Variants in TRPT1 observed in about 807,000 individuals in gnomAD.
The protein encoded by TRPT1 is tRNA 2'-phosphotransferase 1.
In TRPT1, 22 loss-of-function variants were observed where a neutral mutation model predicts 28.4. The observed-to-expected ratio is 0.78, with a 90% CI of 0.55 to 1.11. TRPT1 has a LOEUF of 1.11. Among genes scored for constraint, TRPT1 ranks in the 50% least tolerant of loss-of-function variants. TRPT1 has a pLI of 0.00. For missense variants in TRPT1, 308 were observed against 317.7 expected, an observed-to-expected ratio of 0.97 and a Z score of 0.23; for synonymous variants, 137 against 132.4, an observed-to-expected ratio of 1.03 and a Z score of -0.24.
At position 64,225,789 on chromosome 11, in the gene TRPT1, T is replaced by C; in HGVS notation, c.72A>G (p.Glu24=). The change falls in exon 2 of 8, where the codon GAA becomes GAG. Residue 24 remains glutamate, a synonymous_variant. Coordinates refer to ENST00000317459, the MANE Select transcript of TRPT1 (RefSeq NM_001033678.4). ...GGGGTGGGGAGGAGGCGCGCACCTG[T>C]TCTCGGGGTCTGGGAGCCCTTCTAC... is the stretch of plus-strand genomic sequence containing the variant. ...SRGRRAPRPR[E]QDRDVQLSKA... is the part of the protein sequence containing the mutation. The C allele has an allele frequency of 6.4e-7, 1 of 1,551,108 alleles. No individual in the cohort carries two copies. The highest frequency in any genetic ancestry group is 8.7e-7 in the Non-Finnish European group (1 of 1,147,034).
In TRPT1 at chr11:64,224,584, T is replaced by A. The variant is rs779715487; in HGVS notation, c.461A>T (p.His154Leu). ...GLSCQGRTHIHLAPGLPGDPG... is the reference protein window; with the variant it reads ...GLSCQGRTHILLAPGLPGDPG... ...GTCTCCAGGCAGTCCTGGGGCCAGG[T>A]GAATGTGCGTCCTTCCCTGGCAGGA... The change falls in exon 5 of 8, where the codon CAC becomes CTC. Residue 154 changes from histidine (H) to leucine (L), a missense_variant. By Grantham distance (99) the His-to-Leu change is moderately conservative. Transcript: ENST00000317459. 6.3e-7 allele frequency: 1 copy of A among 1,588,524 alleles called. No individual in the cohort carries two copies. Among genetic ancestry groups the A allele is most frequent in the Non-Finnish European group, 8.6e-7 (1 of 1,166,388 alleles).
At position 64,224,851 on chromosome 11, in the gene TRPT1, C is replaced by T. The variant is rs760148425; in HGVS notation, c.277G>A (p.Asp93Asn). Residue 93 changes from aspartate (D) to asparagine (N), a missense_variant, in exon 4 of 8, where the codon GAT becomes AAT. Transcript: ENST00000317459. ...CGGATGAGAAGGCCAGTGCTGGGAT[C>T]CCCCAGCTGCAGGGCGAACCGCTGC... ...RKQRFALQLG[D>N]PSTGLLIRAN... 1 of 1,613,432 alleles carries T rather than the reference C, an allele frequency of 6.2e-7. No homozygotes were observed. Among genetic ancestry groups the T allele is most frequent in the South Asian group, 1.1e-5 (1 of 91,048 alleles).
At position 64,224,700 on chromosome 11, in the gene TRPT1, C is replaced by T. The variant is rs779326473; in HGVS notation, c.345G>A (p.Leu115=). The change falls in exon 5 of 8, where the codon CTG becomes CTA. Residue 115 remains leucine (L), a synonymous_variant. Transcript: ENST00000317459. ...GHSLQVPKLE[L]MPLETPQALP... ...GGGCCTGCGGTGTCTCCAGGGGCAT[C>T]AGCTCCAACTTAGGTACCTGGTTGA... is the stretch of plus-strand genomic sequence containing the variant. 3 of 1,597,140 alleles carry T rather than the reference C, an allele frequency of 1.9e-6. No homozygotes were observed. The highest frequency in any genetic ancestry group is 2.6e-6 in the Non-Finnish European group (3 of 1,170,238).
At chr11:64,226,256 C>A, upstream of TRPT1, 1 of 521,026 alleles carries the variant, frequency 1.9e-6, no homozygotes, top group Non-Finnish European at 2.8e-6. Context: ...GCGGGCACTT[C>A]CGCTTCGGGG....
intron 3 of TRPT1, 101 bp downstream of exon 3, chr11:64,225,398 C>T: frequency 1.0e-6 from 1 of 963,938 alleles, no homozygotes. Flanking sequence ...GCACTCTGTG[C>T]CTTCCTCAGG....
chr11:64,225,454 G>T, intron 3 of TRPT1, 45 bp downstream of exon 3: 1 of 1,549,252 alleles, frequency 6.5e-7, no homozygotes, highest in South Asian at 1.1e-5. Flanking sequence ...ACAGGCTCAC[G>T]TTTCTCTCTG....
At position 64,225,888 on chromosome 11, in the gene TRPT1, A is replaced by AG. The variant is rs1192902645; in HGVS notation, c.-9-20dup. 9.7e-6 allele frequency: 14 copies of AG among 1,447,526 alleles called. No homozygotes were observed. Among genetic ancestry groups the AG allele is most frequent in the African/African-American group, 2.8e-5 (2 of 71,106 alleles). The allele number at this position is 1,447,526 out of a possible 1,614,324, so 89.7% of individuals were successfully genotyped here. A position where few individuals can be genotyped will look rare whatever the true frequency, so the allele number is the denominator to read the frequency against. ...TTAAGACCTGTGGGGGGCAGTGACG[A>AG]GGGGGGACTGCTTTAAGGCCCCTTC... On this transcript the variant is annotated intron_variant, in intron 1 of 7. Transcript: ENST00000317459.
chr11:64,224,394 C>T (rs376217986), intron 5 of TRPT1, 53 bp from the exon 6 acceptor site: 3 of 1,609,678 alleles, frequency 1.9e-6, no homozygotes, highest in Non-Finnish European at 2.5e-6. Flanking sequence ...AGTCAGCAAC[C>T]TAGGCAGACT....
rs375854892 is a variant in TRPT1 at position 64,226,160 on chromosome 11, G to A, written c.-120C>T. On this transcript the variant is annotated 5_prime_UTR_variant, in exon 1 of 8. Coordinates refer to ENST00000317459, the MANE Select transcript of TRPT1 (RefSeq NM_001033678.4). ...GGCAGGGCCGACGTGCCGACGGACC[G>A]GGCGGAAGCGTCGGGGCGGCGGGGA... The A allele has an allele frequency of 4.7e-6, 2 of 429,892 alleles. No individual in the cohort carries two copies. The highest frequency in any genetic ancestry group is 8.1e-5 in the East Asian group (2 of 24,754). The allele number at this position is 429,892 out of a possible 1,614,324, so 26.6% of individuals were successfully genotyped here. A position where few individuals can be genotyped will look rare whatever the true frequency, so the allele number is the denominator to read the frequency against.
rs1426950033 is a variant in TRPT1 at position 64,224,146 on chromosome 11, G to A, written c.624C>T (p.Phe208=). The A allele has an allele frequency of 2.5e-6, 4 of 1,607,174 alleles. No individual in the cohort carries two copies. In the African/African-American group the frequency reaches 4.0e-5, roughly 16 times the overall value. ...VILTPGNTDG[F]LLPKYFKEAL... ...CCTCCTTGAAGTACTTGGGAAGGAG[G>A]AAGCCATCAGTATTCCCTGGAGTCA... Residue 208 remains phenylalanine, a synonymous_variant, in exon 7 of 8, where the codon TTC becomes TTT. Transcript: ENST00000317459.
chr11:64,224,336 G>A lies in TRPT1; in HGVS notation c.508C>T (p.Arg170Trp), dbSNP rs116905598. The A allele has an allele frequency of 1.7e-3, 2,759 of 1,613,662 alleles. 8 individuals carry two copies. Among genetic ancestry groups the A allele is most frequent in the Non-Finnish European group, 2.3e-3 (2,679 of 1,180,022 alleles). ...AACACAGCTATTTCACAATGGGACC[G>A]CATGCCTGCAGAGACAGCTGGAGCT... ...PGDPGIISGM[R>W]SHCEIAVFID... Residue 170 changes from arginine (R) to tryptophan (W), a missense_variant, in exon 6 of 8, where the codon CGG (arginine) becomes TGG (tryptophan). Transcript: ENST00000317459.
chr11:64,225,435 G>T, intron 3 of TRPT1, 64 bp downstream of exon 3: 1 of 1,388,726 alleles, frequency 7.2e-7, no homozygotes, highest in Non-Finnish European at 1.0e-6. Context: ...CATCAGGGAG[G>T]AGTCGCAGAC....
chr11:64,223,948 A>G lies in TRPT1; in HGVS notation c.690T>C (p.Ala230=), dbSNP rs1210265137. 11 of 1,613,820 alleles carry G rather than the reference A, an allele frequency of 6.8e-6. No individual in the cohort carries two copies. The East Asian group carries it at 2.2e-4, about 33-fold the overall frequency. The part of the protein sequence containing the change: ...LRPTRKPLSL[A]GDEETECQSS... Reference sequence around the variant, plus strand: ...TCTGACACTCTGTCTCTTCATCACCAGCCAAGGAAAGGGGCTTTCCTGATA... The same window carrying G: ...TCTGACACTCTGTCTCTTCATCACCGGCCAAGGAAAGGGGCTTTCCTGATA... Residue 230 remains alanine (A), a synonymous_variant, in exon 8 of 8, where the codon GCT becomes GCC. Coordinates refer to ENST00000317459, the MANE Select transcript of TRPT1 (RefSeq NM_001033678.4).
rs1946861872 is a variant in TRPT1 at position 64,224,706 on chromosome 11, C to T, written c.339G>A (p.Leu113=). Residue 113 remains leucine (L), a synonymous_variant, in exon 5 of 8, where the codon TTG becomes TTA. Coordinates refer to ENST00000317459, the MANE Select transcript of TRPT1 (RefSeq NM_001033678.4). ...NQGHSLQVPK[L]ELMPLETPQA... is the part of the protein sequence containing the mutation. ...GCGGTGTCTCCAGGGGCATCAGCTC[C>T]AACTTAGGTACCTGGTTGAACGGGT... is the stretch of plus-strand genomic sequence containing the variant. The T allele has an allele frequency of 6.3e-7, 1 of 1,596,728 alleles. No individual in the cohort carries two copies. The highest frequency in any genetic ancestry group is 8.5e-7 in the Non-Finnish European group (1 of 1,169,668).
At chr11:64,225,672 CAGAG>C in intron 2 of TRPT1, 92 bp from the exon 3 acceptor site, 1 of 1,433,366 alleles carries the variant, frequency 7.0e-7, no homozygotes, top group South Asian at 1.2e-5. Flanking sequence ...AGAGAGAGCC[CAGAG>C]AGAAAGGAGT....
intron 1 of TRPT1, 26 bp downstream of exon 1, chr11:64,226,024 A>G (rs1383121194): frequency 3.3e-6 from 2 of 600,034 alleles, no homozygotes; most frequent in Non-Finnish European, 5.9e-6. Context: ...AGAGAGGGAA[A>G]CTAAGGCCCA....
chr11:64,225,337 G>A, intron 3 of TRPT1, 162 bp downstream of exon 3: 2 of 647,312 alleles, frequency 3.1e-6, no homozygotes, highest in South Asian at 3.9e-5. Context: ...GTCTGCTGTG[G>A]ACATGACAGG....
At chr11:64,224,420 G>C in intron 5 of TRPT1, 79 bp from the exon 6 acceptor site, 1 of 1,603,950 alleles carries the variant, frequency 6.2e-7, no homozygotes, top group Non-Finnish European at 8.5e-7. Context: ...CCTGGGCTGG[G>C]GGATGCAGGG....
Position 64,223,922 on chromosome 11 carries a change from C to G in TRPT1, c.716G>C (p.Ser239Thr), listed in dbSNP as rs1946793861. The change falls in exon 8 of 8, where the codon AGT becomes ACT. Residue 239 changes from serine (S) to threonine (T), a missense_variant. By Grantham distance (58) the Ser-to-Thr change is moderately conservative. Transcript: ENST00000317459. ...LAGDEETECQSSPKHSSRERR... is the reference protein window; with the variant it reads ...LAGDEETECQTSPKHSSRERR... The stretch of plus-strand genomic sequence containing the variant: ...TTCTCTGGAGCTGTGCTTGGGGCTA[C>G]TCTGACACTCTGTCTCTTCATCACC... 7 of 1,613,960 alleles carry G rather than the reference C, an allele frequency of 4.3e-6. No homozygotes were observed. The East Asian group carries it at 1.6e-4, about 36-fold the overall frequency.
Sources: allele counts gnomAD v4.1 joint callset, GRCh38; gene constraint gnomAD v4.1.1; transcripts MANE v1.5; gene names NCBI Gene and HGNC (gene_info 2026-07-23, HGNC 2026-07-21).